ANO3: variants seen among roughly 807,000 people sequenced by gnomAD.
The protein encoded by ANO3 is anoctamin 3, also known as anoctamin-3.
Under a neutral mutation model 144.8 loss-of-function variants are expected in ANO3, and 99 were observed. That is an observed-to-expected ratio of 0.68 (90% CI 0.58 to 0.81). ANO3 has a LOEUF of 0.81. Among genes scored for constraint, ANO3 ranks in the 30% least tolerant of loss-of-function variants. The pLI, the probability that ANO3 is intolerant of heterozygous loss-of-function variation, is 0.00. For missense variants in ANO3, 905 were observed against 1,202.2 expected, an observed-to-expected ratio of 0.75 and a Z score of 3.66; for synonymous variants, 414 against 392.6, an observed-to-expected ratio of 1.05 and a Z score of -0.64.
intron 1 of ANO3, among the ~76,000 whole-genome samples, chr11:26,206,935 T>C (rs192559022): frequency 6.6e-6 from 1 of 152,286 alleles, no homozygotes; most frequent in Admixed American, 6.5e-5. Context: ...TAAGGGTTTT[T>C]AAAAAGTGAA....
At chr11:26,324,372 C>T (rs1238453091) in intron 1 of ANO3, among the ~76,000 whole-genome samples, 6 of 152,240 alleles carry the variant, frequency 3.9e-5, no homozygotes, top group African/African-American at 1.4e-4. Flanking sequence ...TGTACATTGC[C>T]TGCCAGATGT....
At chr11:26,317,211 T>G (rs1854646584) in intron 1 of ANO3, among the ~76,000 whole-genome samples, 1 of 151,942 alleles carries the variant, frequency 6.6e-6, no homozygotes, top group Admixed American at 6.6e-5. Context: ...GATAAGTTGT[T>G]ACAGAGTTCA....
At chr11:26,470,703 G>A (rs1859748826) in intron 4 of ANO3, among the ~76,000 whole-genome samples, 1 of 151,736 alleles carries the variant, frequency 6.6e-6, no homozygotes, top group African/African-American at 2.4e-5. Flanking sequence ...TATCTAGCTG[G>A]TTTTCATGGG....
rs1388281134 is a variant in ANO3 at position 26,449,479 on chromosome 11, T to TCC, written c.313+5644_313+5645insCC. 5.1e-4 allele frequency among the ~76,000 whole-genome samples: 19 copies of TCC among 37,284 alleles called. 1 individual carries two copies. Among genetic ancestry groups the TCC allele is most frequent in the African/African-American group, 1.6e-3 (19 of 12,214 alleles). The allele number at this position is 37,284 out of a possible 152,430, so 24.5% of individuals were successfully genotyped here. On this transcript the variant is annotated intron_variant, in intron 3 of 26. Coordinates refer to ENST00000256737, the MANE Select transcript of ANO3 (RefSeq NM_031418.4). ...CTCTCTCTCTGTCTGTCTGTCTCTC[T>TCC]CTCTCTCTCACACACACACACACAC...
At chr11:26,273,216 G>C (rs1374203903) in intron 1 of ANO3, among the ~76,000 whole-genome samples, 2 of 147,590 alleles carry the variant, frequency 1.4e-5, no homozygotes, top group Non-Finnish European at 3.0e-5. Flanking sequence ...GTAAGGGATT[G>C]CCTTTTAAAG....
At chr11:26,624,033 G>A (rs959616699) in intron 17 of ANO3, among the ~76,000 whole-genome samples, 2 of 152,096 alleles carry the variant, frequency 1.3e-5, no homozygotes, top group African/African-American at 2.4e-5. Flanking sequence ...TGATCCGCCC[G>A]CCTAGGCCTC....
At chr11:26,233,112 G>C (rs1226157241) in intron 1 of ANO3, among the ~76,000 whole-genome samples, 2 of 151,888 alleles carry the variant, frequency 1.3e-5, no homozygotes, top group African/African-American at 2.4e-5. Context: ...AGCTACTCGG[G>C]AGGCTGAGGC....
intron 21 of ANO3, among the ~76,000 whole-genome samples, chr11:26,641,480 C>G (rs969222505): frequency 6.6e-6 from 1 of 152,090 alleles, no homozygotes; most frequent in Non-Finnish European, 1.5e-5. Context: ...ATGAAAGGGT[C>G]AGACCTAATC....
At chr11:26,264,764 T>C (rs559108831) in intron 1 of ANO3, among the ~76,000 whole-genome samples, 1 of 152,290 alleles carries the variant, frequency 6.6e-6, no homozygotes, top group South Asian at 2.1e-4. Context: ...GCTATTCCTG[T>C]GTGGGTCTGT....
At chr11:26,206,084 T>C (rs1370927010) in intron 1 of ANO3, among the ~76,000 whole-genome samples, 1 of 152,220 alleles carries the variant, frequency 6.6e-6, no homozygotes, top group Non-Finnish European at 1.5e-5. Context: ...CAGGATTTTA[T>C]TGCAGATTTT....
intron 1 of ANO3, among the ~76,000 whole-genome samples, chr11:26,280,418 C>A (rs1429713772): frequency 6.6e-6 from 1 of 152,156 alleles, no homozygotes; most frequent in East Asian, 1.9e-4. Context: ...CATCTACAAG[C>A]TGAAGAGCGA....
intron 3 of ANO3, among the ~76,000 whole-genome samples, chr11:26,458,726 A>G (rs1458421248): frequency 1.3e-5 from 2 of 152,156 alleles, no homozygotes; most frequent in Non-Finnish European, 2.9e-5. Context: ...CAATGCAATT[A>G]ACAATGAACT....
intron 17 of ANO3, among the ~76,000 whole-genome samples, chr11:26,605,693 C>T (rs1367866142): frequency 6.6e-6 from 1 of 151,974 alleles, no homozygotes; most frequent in African/African-American, 2.4e-5. Context: ...TTCTTCCTTC[C>T]ATTTCTTCTA....
At chr11:26,522,801 T>C (rs117390935) in intron 6 of ANO3, among the ~76,000 whole-genome samples, 13,410 of 152,212 alleles carry the variant, frequency 0.088, 839 homozygotes, top group Admixed American at 0.14. Flanking sequence ...ATTGAATAAA[T>C]ATTAAACTAG....
chr11:26,487,345 C>T (rs113192052), intron 4 of ANO3, among the ~76,000 whole-genome samples: 8,714 of 152,254 alleles, frequency 0.057, 360 homozygotes, highest in Non-Finnish European at 0.088. Context: ...ATTTTGCCTC[C>T]CACCATAGTT....
At chr11:26,191,811 A>G (rs12270111) in intron 1 of ANO3, among the ~76,000 whole-genome samples, 1,732 of 152,256 alleles carry the variant, frequency 0.011, 33 homozygotes, top group African/African-American at 0.04. Flanking sequence ...ATCTCTGTGT[A>G]AAGGGATTTT....
At chr11:26,486,377 A>AAAAAAG (rs780384502) in intron 4 of ANO3, among the ~76,000 whole-genome samples, 1 of 149,648 alleles carries the variant, frequency 6.7e-6, no homozygotes, top group African/African-American at 2.5e-5. Flanking sequence ...AAAAAAAAAA[A>AAAAAAG]AAGGAAGTCA....
intron 1 of ANO3, among the ~76,000 whole-genome samples, chr11:26,379,840 A>C (rs1156413270): frequency 1.3e-5 from 2 of 152,132 alleles, no homozygotes; most frequent in South Asian, 2.1e-4. Flanking sequence ...TTGGTAGTAG[A>C]GTTGAAAGAA....
intron 4 of ANO3, among the ~76,000 whole-genome samples, chr11:26,489,773 G>A (rs1299397940): frequency 2.0e-5 from 3 of 152,180 alleles, no homozygotes; most frequent in Non-Finnish European, 4.4e-5. Flanking sequence ...CATGGGCCCT[G>A]TAACCTTTTT....
Sources: allele counts gnomAD v4.1 joint callset (sites outside exome capture counted in the v4.1 genomes callset), GRCh38; gene constraint gnomAD v4.1.1; transcripts MANE v1.5; gene names NCBI Gene and HGNC (gene_info 2026-07-23, HGNC 2026-07-21).